CPA6: variants seen among roughly 807,000 people sequenced by gnomAD.
CPA6 encodes carboxypeptidase A6.
In CPA6, 58 loss-of-function variants were observed where a neutral mutation model predicts 63.3. The observed-to-expected ratio is 0.92, with a 90% CI of 0.74 to 1.14. CPA6 has a LOEUF of 1.14. Among genes scored for constraint, CPA6 ranks in the 50% most tolerant of loss-of-function variants. The pLI, the probability that CPA6 is intolerant of heterozygous loss-of-function variation, is 0.00. For synonymous variants in CPA6, 185 were observed against 179.0 expected (o/e 1.03, Z -0.27); for missense variants, 565 against 526.6 (o/e 1.07, Z -0.71).
At chr8:67,423,674 C>T (rs750670243) in intron 10 of CPA6, among the ~76,000 whole-genome samples, 5 of 152,212 alleles carry the variant, frequency 3.3e-5, no homozygotes, top group Non-Finnish European at 7.3e-5. Flanking sequence ...AGTAGAGATA[C>T]TATAAAGTCA....
At chr8:67,715,085 G>T (rs1427841161) in intron 1 of CPA6, among the ~76,000 whole-genome samples, 1 of 152,038 alleles carries the variant, frequency 6.6e-6, no homozygotes, top group Admixed American at 6.6e-5. Flanking sequence ...AGCAAATGTG[G>T]TTTTTGTTTT....
chr8:67,733,220 A>AT (rs1817746947), intron 1 of CPA6, among the ~76,000 whole-genome samples: 3 of 99,338 alleles, frequency 3.0e-5, no homozygotes, highest in African/African-American at 4.7e-5. Flanking sequence ...AAAAAAAAAA[A>AT]AAAATAAAAA....
chr8:67,602,058 ATGGAT>A (rs1227243621), intron 2 of CPA6, among the ~76,000 whole-genome samples: 1 of 152,202 alleles, frequency 6.6e-6, no homozygotes, highest in Non-Finnish European at 1.5e-5. Flanking sequence ...AGATTTTGTT[ATGGAT>A]TATCATAGAC....
intron 6 of CPA6, among the ~76,000 whole-genome samples, chr8:67,490,462 C>A (rs1416940448): frequency 6.6e-6 from 1 of 152,146 alleles, no homozygotes; most frequent in Non-Finnish European, 1.5e-5. Flanking sequence ...ATGCACCACA[C>A]GCCTCAGTGT....
intron 1 of CPA6, chr8:67,735,722 CTT>C (rs1421676927): frequency 7.4e-5 from 11 of 147,884 alleles, no homozygotes; most frequent in African/African-American, 2.8e-4. Flanking sequence ...TTTCTGCCCT[CTT>C]TCCTTTTAGA....
At chr8:67,540,581 T>G (rs1210129063) in intron 2 of CPA6, among the ~76,000 whole-genome samples, 6 of 152,210 alleles carry the variant, frequency 3.9e-5, no homozygotes, top group Non-Finnish European at 7.3e-5. Context: ...GCAGGAACGT[T>G]TAAGTCTCCT....
intron 1 of CPA6, among the ~76,000 whole-genome samples, chr8:67,637,732 T>C (rs1404767951): frequency 1.3e-5 from 2 of 151,286 alleles, no homozygotes; most frequent in African/African-American, 4.9e-5. Flanking sequence ...ATAAACTACA[T>C]AGAAAATATG....
chr8:67,460,553 A>G (rs953270473), intron 8 of CPA6, among the ~76,000 whole-genome samples: 2 of 152,194 alleles, frequency 1.3e-5, no homozygotes, highest in Non-Finnish European at 2.9e-5. Context: ...CCAATCTATG[A>G]GTAGTGAATG....
At chr8:67,494,192 A>G (rs2128962763) in intron 6 of CPA6, among the ~76,000 whole-genome samples, 1 of 152,066 alleles carries the variant, frequency 6.6e-6, no homozygotes, top group African/African-American at 2.4e-5. Flanking sequence ...ATTGAATTAT[A>G]TTGTCCATGC....
Position 67,422,579 on chromosome 8 carries a change from G to A in CPA6, c.1239C>T (p.Leu413=). The A allele has an allele frequency of 1.2e-6, 2 of 1,614,088 alleles. No homozygotes were observed. Among genetic ancestry groups the A allele is most frequent in the Non-Finnish European group, 1.7e-6 (2 of 1,179,972 alleles). Residue 413 remains leucine (L), a synonymous_variant, in exon 11 of 11, where the codon CTC becomes CTT. Coordinates refer to ENST00000297770, the MANE Select transcript of CPA6 (RefSeq NM_020361.5). ...TAGTTTCTGTACAGGTGGGTTTGAT[G>A]AGCATCTCTGGGAGTAAAAATCCAA... is the stretch of plus-strand genomic sequence containing the variant. The part of the protein sequence containing the change: ...GYFGFLLPEM[L]IKPTCTETML...
chr8:67,554,700 T>A (rs992031006), intron 2 of CPA6, among the ~76,000 whole-genome samples: 2 of 152,182 alleles, frequency 1.3e-5, no homozygotes, highest in African/African-American at 4.8e-5. Flanking sequence ...CCTGAGAGCC[T>A]GGGGGCTGTT....
At chr8:67,538,611 G>A (rs888670873) in intron 2 of CPA6, among the ~76,000 whole-genome samples, 4 of 148,824 alleles carry the variant, frequency 2.7e-5, no homozygotes, top group South Asian at 4.3e-4. Flanking sequence ...GAGATGGGTC[G>A]CCTGAATACA....
intron 6 of CPA6, among the ~76,000 whole-genome samples, chr8:67,496,783 A>G (rs1214664279): frequency 6.6e-6 from 1 of 150,620 alleles, no homozygotes; most frequent in Non-Finnish European, 1.5e-5. Context: ...TTGGTCTTGA[A>G]CTCCTGACCT....
At chr8:67,520,969 C>T (rs1812246590) in intron 2 of CPA6, among the ~76,000 whole-genome samples, 1 of 152,230 alleles carries the variant, frequency 6.6e-6, no homozygotes, top group Non-Finnish European at 1.5e-5. Flanking sequence ...TTTCAAGGTT[C>T]TAATCAGCCC....
intron 1 of CPA6, among the ~76,000 whole-genome samples, chr8:67,681,220 T>TTTTTTTTTTTTTTTTTTTTTA: frequency 7.7e-6 from 1 of 129,794 alleles, no homozygotes; most frequent in African/African-American, 3.3e-5. Context: ...TTTTTTTTTT[T>TTTTTTTTTTTTTTTTTTTTTA]GAGACGGAGT....
chr8:67,484,983 A>G (rs1480132738), intron 6 of CPA6, among the ~76,000 whole-genome samples, 194 bp from the exon 7 acceptor site: 3 of 152,234 alleles, frequency 2.0e-5, no homozygotes, highest in African/African-American at 7.2e-5. Context: ...TATTATCAAT[A>G]ATCTTTTAGC....
At chr8:67,727,594 A>G (rs1817622161) in intron 1 of CPA6, among the ~76,000 whole-genome samples, 1 of 152,218 alleles carries the variant, frequency 6.6e-6, no homozygotes, top group African/African-American at 2.4e-5. Flanking sequence ...AAAAGGAAAG[A>G]CTAAAAGTCT....
At chr8:67,638,131 C>G (rs1815512381) in intron 1 of CPA6, among the ~76,000 whole-genome samples, 1 of 151,218 alleles carries the variant, frequency 6.6e-6, no homozygotes, top group Non-Finnish European at 1.5e-5. Context: ...CAGTGGTTAT[C>G]CTGACTGAGG....
Position 67,434,047 on chromosome 8 carries a change from A to C in CPA6, c.1032T>G (p.Phe344Leu), listed in dbSNP as rs762112759. Residue 344 changes from phenylalanine (F) to leucine (L), a missense_variant, in exon 9 of 11, where the codon TTT (phenylalanine) becomes TTG (leucine). Coordinates refer to ENST00000297770, the MANE Select transcript of CPA6 (RefSeq NM_020361.5). ...AGGGTCAAATACTTACCACACATCT[A>C]AAATTGGGAATTGTTGCATATTTGT... Reference protein sequence around the residue: ...YSYKYATIPNFRCVESAAYKA... With the variant: ...YSYKYATIPNLRCVESAAYKA... 16 of 1,610,370 alleles carry C rather than the reference A, an allele frequency of 9.9e-6. No individual in the cohort carries two copies. Among genetic ancestry groups the C allele is most frequent in the Non-Finnish European group, 1.4e-5 (16 of 1,177,660 alleles).
Sources: gnomAD v4.1 joint callset for allele counts (sites outside exome capture counted in the v4.1 genomes callset) on GRCh38, gnomAD v4.1.1 for gene constraint, MANE v1.5 for transcripts, NCBI Gene and HGNC (gene_info 2026-07-23, HGNC 2026-07-21) for gene names.